ANGPT1: variants seen among roughly 807,000 people sequenced by gnomAD.
The protein encoded by ANGPT1 is angiopoietin 1, also known as angiopoietin-1.
Under a neutral mutation model 62.2 loss-of-function variants are expected in ANGPT1, and 17 were observed. The ratio of observed to expected loss-of-function variants is 0.27; its 90% confidence interval spans 0.19 to 0.41. The LOEUF (loss-of-function observed/expected upper bound fraction) is 0.41, where lower values mean the gene tolerates loss of function less well. Ranked by LOEUF, ANGPT1 falls within the 10% of genes least tolerant of loss-of-function variation. The pLI is 1.00. For missense variants in ANGPT1, 478 were observed against 594.9 expected, an observed-to-expected ratio of 0.80 and a Z score of 2.04; for synonymous variants, 199 against 198.9, an observed-to-expected ratio of 1.00 and a Z score of 0.00.
At chr8:107,299,514 AT>A (rs1443443695) in intron 5 of ANGPT1, among the ~76,000 whole-genome samples, 1 of 142,188 alleles carries the variant, frequency 7.0e-6, no homozygotes, top group Admixed American at 7.1e-5. Flanking sequence ...TACTAAGCAT[AT>A]ATATACACTA....
intron 1 of ANGPT1, among the ~76,000 whole-genome samples, chr8:107,377,934 A>G (rs201441041): frequency 6.9e-6 from 1 of 145,216 alleles, no homozygotes; most frequent in Non-Finnish European, 1.5e-5. Context: ...AAAAAAAAAC[A>G]TATCAGTTGT....
intron 1 of ANGPT1, among the ~76,000 whole-genome samples, chr8:107,482,447 C>T (rs1292755045): frequency 6.6e-6 from 1 of 152,218 alleles, no homozygotes; most frequent in Non-Finnish European, 1.5e-5. Flanking sequence ...AGCACCTACA[C>T]ATGCCTTCTC....
At chr8:107,354,044 T>G (rs977914149) in intron 1 of ANGPT1, among the ~76,000 whole-genome samples, 1 of 152,184 alleles carries the variant, frequency 6.6e-6, no homozygotes, top group African/African-American at 2.4e-5. Flanking sequence ...GCCATTGCTT[T>G]TTTTGGTAAT....
intron 4 of ANGPT1, among the ~76,000 whole-genome samples, chr8:107,319,004 G>C (rs184428382): frequency 6.6e-6 from 1 of 152,104 alleles, no homozygotes; most frequent in African/African-American, 2.4e-5. Context: ...CAAACACTCC[G>C]GGGCATTGTA....
At chr8:107,354,524 C>T (rs1815999866) in intron 1 of ANGPT1, among the ~76,000 whole-genome samples, 1 of 152,026 alleles carries the variant, frequency 6.6e-6, no homozygotes, top group Admixed American at 6.6e-5. Flanking sequence ...TTATAAAGTA[C>T]AAGAGTCTAT....
rs376167484 is a variant in ANGPT1, at chr8:107,314,369, C to A, written c.808+7527G>T. Among the ~76,000 whole-genome samples, 52 of 152,288 alleles carry A rather than the reference C, an allele frequency of 3.4e-4. 1 individual carries two copies. Among genetic ancestry groups the A allele is most frequent in the African/African-American group, 1.2e-3 (50 of 41,572 alleles). Reference sequence around the variant, plus strand: ...CAAAAGAGAATTAACCACAAAATTTCAAATCTCCTCCGAAAGATGGGGTTT... The same window carrying A: ...CAAAAGAGAATTAACCACAAAATTTAAAATCTCCTCCGAAAGATGGGGTTT... On this transcript the variant is annotated intron_variant, in intron 4 of 8. Transcript: ENST00000517746.
At chr8:107,262,430 T>C (rs184351060) in intron 8 of ANGPT1, among the ~76,000 whole-genome samples, 255 of 152,340 alleles carry the variant, frequency 1.7e-3, no homozygotes, top group African/African-American at 5.7e-3. Flanking sequence ...TCAGCTGTGC[T>C]AGATGTTTGG....
At chr8:107,419,374 T>G (rs908675271) in intron 1 of ANGPT1, among the ~76,000 whole-genome samples, 2 of 152,150 alleles carry the variant, frequency 1.3e-5, no homozygotes, top group Non-Finnish European at 2.9e-5. Flanking sequence ...GAAAGGAACA[T>G]CCTTATCCTC....
rs376258330 is a variant in ANGPT1, at chr8:107,347,104, G to A, written c.298-7C>T. ...CCACAATGTAATTCTCAAGCTGCAA[G>A]AGATAAAGAACAAAACATATTACAT... On this transcript the variant is annotated splice_region_variant and splice_polypyrimidine_tract_variant and intron_variant, in intron 1 of 8. Transcript: ENST00000517746. The A allele has an allele frequency of 1.2e-5, 20 of 1,612,012 alleles. No individual in the cohort carries two copies. The highest frequency in any genetic ancestry group is 1.2e-4 in the African/African-American group (9 of 74,832).
chr8:107,452,196 C>T (rs1418715561), intron 1 of ANGPT1, among the ~76,000 whole-genome samples: 6 of 151,228 alleles, frequency 4.0e-5, no homozygotes, highest in Admixed American at 2.0e-4. Context: ...ATTCTACTAC[C>T]GTCCATACAG....
At chr8:107,263,682 T>C (rs1298518865) in intron 8 of ANGPT1, among the ~76,000 whole-genome samples, 4 of 152,160 alleles carry the variant, frequency 2.6e-5, no homozygotes, top group Non-Finnish European at 5.9e-5. Context: ...TATGATATGA[T>C]ACTATTTAAT....
rs139359774 is a variant in ANGPT1 at position 107,481,887 on chromosome 8, A to G, written c.297+15375T>C. On this transcript the variant is annotated intron_variant, in intron 1 of 8. Transcript: ENST00000517746. ...GCCCCCATAATCGAATTCACCTCCT[A>G]TGAGGTCTCTCCCACAACACGTGGG... Among the ~76,000 whole-genome samples the G allele has an allele frequency of 2.4e-4, 37 of 152,336 alleles. No individual in the cohort carries two copies. In the East Asian group the frequency reaches 6.8e-3, roughly 28 times the overall value.
chr8:107,308,661 T>A (rs1223700093), intron 4 of ANGPT1, among the ~76,000 whole-genome samples: 1 of 152,300 alleles, frequency 6.6e-6, no homozygotes. Context: ...CCTGGTATGC[T>A]AGTTCAAAGA....
chr8:107,303,337 T>G lies in ANGPT1; in HGVS notation c.839A>C (p.Glu280Ala). Reference sequence around the variant, plus strand: ...ATCTGCACAGTCTCTAAATGGTTTCTCTTCCTCTCTTTTTCCTCCCTTTAG... The same window carrying G: ...ATCTGCACAGTCTCTAAATGGTTTCGCTTCCTCTCTTTTTCCTCCCTTTAG... ...VLLKGGKREE[E>A]KPFRDCADVY... The change falls in exon 5 of 9, where the codon GAG becomes GCG. Residue 280 changes from glutamate to alanine, a missense_variant. Coordinates refer to ENST00000517746, the MANE Select transcript of ANGPT1 (RefSeq NM_001146.5). The G allele has an allele frequency of 6.2e-7, 1 of 1,602,250 alleles. No homozygotes were observed. The highest frequency in any genetic ancestry group is 1.4e-5 in the African/African-American group (1 of 73,720).
At chr8:107,402,587 C>A (rs928635282) in intron 1 of ANGPT1, among the ~76,000 whole-genome samples, 1 of 152,074 alleles carries the variant, frequency 6.6e-6, no homozygotes, top group African/African-American at 2.4e-5. Flanking sequence ...CACAGAAACA[C>A]AATGAAGTGG....
intron 1 of ANGPT1, among the ~76,000 whole-genome samples, chr8:107,449,955 A>G (rs2130451445): frequency 6.6e-6 from 1 of 152,230 alleles, no homozygotes; most frequent in East Asian, 1.9e-4. Flanking sequence ...AAAGCTTAGA[A>G]GCACCTAAAT....
intron 1 of ANGPT1, among the ~76,000 whole-genome samples, chr8:107,489,196 G>A (rs562894814): frequency 2.3e-4 from 35 of 152,206 alleles, no homozygotes; most frequent in Middle Eastern, 3.4e-3. Flanking sequence ...GAGTTTGGTC[G>A]CTTATAGGTA....
chr8:107,492,859 C>T (rs1285926776), intron 1 of ANGPT1, among the ~76,000 whole-genome samples: 1 of 150,284 alleles, frequency 6.7e-6, no homozygotes, highest in Non-Finnish European at 1.5e-5. Flanking sequence ...ATTAAGTTCT[C>T]ATGTGCATAT....
intron 1 of ANGPT1, among the ~76,000 whole-genome samples, chr8:107,468,891 A>C (rs1425536862): frequency 6.6e-6 from 1 of 152,088 alleles, no homozygotes; most frequent in Admixed American, 6.6e-5. Flanking sequence ...ATTGTTTGAG[A>C]ATCAAATCCA....
Sources: allele counts gnomAD v4.1 joint callset (sites outside exome capture counted in the v4.1 genomes callset), GRCh38; gene constraint gnomAD v4.1.1; transcripts MANE v1.5; gene names NCBI Gene and HGNC (gene_info 2026-07-23, HGNC 2026-07-21).